Variants in HELQ observed in about 807,000 individuals in gnomAD.
HELQ encodes helicase, POLQ like, also known as helicase POLQ-like.
A neutral mutation model predicts 111.6 loss-of-function variants in HELQ; 77 were observed. The observed-to-expected ratio is 0.69, with a 90% confidence interval of 0.57 to 0.83. The LOEUF (loss-of-function observed/expected upper bound fraction) is 0.83. Among genes scored for constraint, HELQ ranks in the 40% least tolerant of loss-of-function variants. The pLI is 0.00. For missense variants in HELQ, 1,200 were observed against 1,288.5 expected (o/e 0.93, Z 1.05); for synonymous variants, 438 against 454.7 (o/e 0.96, Z 0.47).
rs542077398 is a variant in HELQ, at chr4:83,453,491, G to C, written c.752C>G (p.Ser251Cys). 6.2e-7 allele frequency: 1 copy of C among 1,613,394 alleles called. No individual in the cohort carries two copies. The highest frequency in any genetic ancestry group is 1.7e-5 in the Admixed American group (1 of 59,870). The change falls in exon 2 of 18, where the codon TCC (serine) becomes TGC (cysteine). Residue 251 changes from serine to cysteine, a missense_variant. Physicochemically the swap from Ser to Cys is moderately radical, Grantham distance 112. Around this residue, in one of 3 missense-constraint regions of HELQ, gnomAD observed 610 missense variants for 607.1 expected, o/e 1.00. Coordinates refer to ENST00000295488, the MANE Select transcript of HELQ (RefSeq NM_133636.5). ...CATATCTGAACTAGTTCTGACTTTG[G>C]AAGAGGACTCATCATTTTGCTGGGG... is the stretch of plus-strand genomic sequence containing the variant. ...EQPQQNDESS[S>C]KVRTSSDMNR...
intron 15 of HELQ, among the ~76,000 whole-genome samples, chr4:83,420,575 C>T (rs990935481): frequency 2.0e-5 from 3 of 151,960 alleles, no homozygotes; most frequent in African/African-American, 7.2e-5. Flanking sequence ...ACTTGAGGTC[C>T]GGAGTTCGAG....
chr4:83,451,117 T>G (rs1441786845), intron 2 of HELQ, among the ~76,000 whole-genome samples: 1 of 152,166 alleles, frequency 6.6e-6, no homozygotes, highest in Non-Finnish European at 1.5e-5. Flanking sequence ...TAAGCCAGAT[T>G]TAGAGGTAAA....
intron 17 of HELQ, among the ~76,000 whole-genome samples, chr4:83,409,834 T>A (rs1738992514): frequency 6.6e-6 from 1 of 151,924 alleles, no homozygotes; most frequent in African/African-American, 2.4e-5. Context: ...CAAAATCATA[T>A]TAGAAATAAA....
At chr4:83,415,431 C>T (rs1739307790) in intron 17 of HELQ, among the ~76,000 whole-genome samples, 1 of 152,104 alleles carries the variant, frequency 6.6e-6, no homozygotes. Context: ...CTCAGTATAT[C>T]AGGATAATTT....
chr4:83,439,811 T>C, intron 8 of HELQ, 52 bp downstream of exon 8: 2 of 1,168,064 alleles, frequency 1.7e-6, no homozygotes, highest in South Asian at 2.7e-5. Flanking sequence ...TAATACATAG[T>C]CTGTAATTCC....
chr4:83,420,996 T>C (rs116373550), intron 15 of HELQ, among the ~76,000 whole-genome samples: 1,672 of 152,236 alleles, frequency 0.011, 25 homozygotes, highest in African/African-American at 0.038. Flanking sequence ...TTTGTAGAGA[T>C]GGAGTTTTCC....
Position 83,453,878 on chromosome 4 carries a change from T to C in HELQ, c.365A>G (p.Gln122Arg). The C allele has an allele frequency of 1.2e-6, 2 of 1,614,042 alleles. No homozygotes were observed. ...ATATTTTTGTTCCAGGTCGTCAACTTGAGCTATAAAGGAGTTTTCAGTAAA... is the reference window on the plus strand; with the variant it reads ...ATATTTTTGTTCCAGGTCGTCAACTCGAGCTATAAAGGAGTTTTCAGTAAA... ...DSFTENSFIA[Q>R]VDDLEQKYMQ... The change falls in exon 2 of 18, where the codon CAA becomes CGA. Residue 122 changes from glutamine to arginine, a missense_variant. Gln to Arg is a conservative substitution (Grantham distance 43). This residue lies in a region of HELQ where 610 missense variants were observed against 607.1 expected (regional missense o/e 1.00). Coordinates refer to ENST00000295488, the MANE Select transcript of HELQ (RefSeq NM_133636.5).
rs899365477 is a variant in HELQ at position 83,426,075 on chromosome 4, T to G, written c.2694A>C (p.Pro898=). Reference sequence around the variant, plus strand: ...GAATGGCAGCTACATTTTGTTCTGCTGGACTGAGTTGGCTAAACTACATGG... The same window carrying G: ...GAATGGCAGCTACATTTTGTTCTGCGGGACTGAGTTGGCTAAACTACATGG... ...IYFRQFSQLS[P]AEQNVAAILG... Residue 898 remains proline (P), a synonymous_variant, in exon 14 of 18, where the codon CCA becomes CCC. Coordinates refer to ENST00000295488, the MANE Select transcript of HELQ (RefSeq NM_133636.5). 3.1e-6 allele frequency: 5 copies of G among 1,600,764 alleles called. No homozygotes were observed. The African/African-American group carries it at 6.7e-5, about 21-fold the overall frequency.
rs1479393186 is a variant in HELQ at position 83,453,929 on chromosome 4, A to C, written c.314T>G (p.Val105Gly). 6.2e-7 allele frequency: 1 copy of C among 1,607,032 alleles called. No homozygotes were observed. The highest frequency in any genetic ancestry group is 1.7e-5 in the Admixed American group (1 of 59,580). ...GVGDQPNDSE[V>G]DMFGDYDSFT... Reference sequence around the variant, plus strand: ...GCTATCATAGTCACCAAACATGTCCACTTCACTGTCATTAGGCTGCAAAGA... The same window carrying C: ...GCTATCATAGTCACCAAACATGTCCCCTTCACTGTCATTAGGCTGCAAAGA... Residue 105 changes from valine (V) to glycine (G), a missense_variant, in exon 2 of 18, where the codon GTG becomes GGG. Coordinates refer to ENST00000295488, the MANE Select transcript of HELQ (RefSeq NM_133636.5).
chr4:83,442,341 T>C (rs1426886709), intron 6 of HELQ, among the ~76,000 whole-genome samples: 1 of 144,468 alleles, frequency 6.9e-6, no homozygotes, highest in Non-Finnish European at 1.5e-5. Flanking sequence ...AAACACAGCT[T>C]ACTGTATCCT....
chr4:83,455,466 G>A lies in HELQ; in HGVS notation c.228C>T (p.Val76=), dbSNP rs772270615. ...LLLSDSPECL[V]LGGGDTNPDL... is the part of the protein sequence containing the mutation. ...CCGGGTTTGTATCACCACCTCCAAGGACGAGACATTCCGGGGAATCTGAGA... is the reference window on the plus strand; with the variant it reads ...CCGGGTTTGTATCACCACCTCCAAGAACGAGACATTCCGGGGAATCTGAGA... Residue 76 remains valine, a synonymous_variant, in exon 1 of 18, where the codon GTC becomes GTT. Transcript: ENST00000295488. 7 of 1,614,032 alleles carry A rather than the reference G, an allele frequency of 4.3e-6. No individual in the cohort carries two copies. Among genetic ancestry groups the A allele is most frequent in the East Asian group, 2.2e-5 (1 of 44,898 alleles).
In HELQ at chr4:83,446,004, A is replaced by G. The variant is rs1560556015; in HGVS notation, c.1465+10T>C. The G allele has an allele frequency of 6.4e-7, 1 of 1,567,100 alleles. No individual in the cohort carries two copies. Among genetic ancestry groups the G allele is most frequent in the Non-Finnish European group, 8.8e-7 (1 of 1,138,266 alleles). ...AATCAATTCATGACCTCATTTGAAA[A>G]AATACTTACTGCTAGTGTAGAGGAT... On this transcript the variant is annotated intron_variant, in intron 5 of 17. Transcript: ENST00000295488.
chr4:83,431,538 GAAA>G lies in HELQ; in HGVS notation c.2295+123_2295+125del, dbSNP rs1221854297. ...AAAATTAAAAAGAAAAAAATTAAAA[GAAA>G]AAATTATTAAATAAAAAATTAGTAT... On this transcript the variant is annotated intron_variant, in intron 11 of 17. Transcript: ENST00000295488. 4 of 359,154 alleles carry G rather than the reference GAAA, an allele frequency of 1.1e-5. No homozygotes were observed. The Admixed American group carries it at 1.9e-4, about 17-fold the overall frequency. 22.2% of individuals were successfully genotyped at this position (359,154 alleles called of 1,614,324 possible). A position where few individuals can be genotyped will look rare whatever the true frequency, so the allele number is the denominator to read the frequency against.
chr4:83,455,709 C>T lies in HELQ; in HGVS notation c.-16G>A, dbSNP rs771427337. ...ATTCATCCATGGCAAGGACCCAGGG[C>T]CCTATTCAGACGTCGTTCTCAGTGA... On this transcript the variant is annotated 5_prime_UTR_variant, in exon 1 of 18. Transcript: ENST00000295488. 27 of 1,594,540 alleles carry T rather than the reference C, an allele frequency of 1.7e-5. No homozygotes were observed. In the Admixed American group the frequency reaches 4.2e-4, roughly 25 times the overall value.
At chr4:83,445,911 T>C in intron 5 of HELQ, 103 bp downstream of exon 5, 1 of 716,936 alleles carries the variant, frequency 1.4e-6, no homozygotes, top group Non-Finnish European at 2.4e-6. Flanking sequence ...AAAGCTTAAG[T>C]ATCTTGCTTT....
chr4:83,436,928 A>G lies in HELQ; in HGVS notation c.1978T>C (p.Ser660Pro), dbSNP rs1298188210. Residue 660 changes from serine to proline, a missense_variant, in exon 9 of 18, where the codon TCC becomes CCC. Transcript: ENST00000295488. Reference protein sequence around the residue: ...DERKLLEEAYSTGVLCLFTCT... With the variant: ...DERKLLEEAYPTGVLCLFTCT... Reference sequence around the variant, plus strand: ...GTAAAAAGACAGAGCACTCCTGTGGAGTAGGCCTCCTCCAAGAGTTTCCTT... The same window carrying G: ...GTAAAAAGACAGAGCACTCCTGTGGGGTAGGCCTCCTCCAAGAGTTTCCTT... The G allele has an allele frequency of 1.2e-6, 2 of 1,614,092 alleles. No homozygotes were observed. Among genetic ancestry groups the G allele is most frequent in the African/African-American group, 2.7e-5 (2 of 74,942 alleles).
intron 17 of HELQ, among the ~76,000 whole-genome samples, chr4:83,411,291 T>C (rs989222880): frequency 2.6e-5 from 4 of 151,294 alleles, no homozygotes; most frequent in Admixed American, 6.6e-5. Flanking sequence ...ATCAAGTGCC[T>C]TTGAACTTTT....
At position 83,429,630 on chromosome 4, in the gene HELQ, T is replaced by C. The variant is rs1460904198; in HGVS notation, c.2412A>G (p.Arg804=). ...GTAGGAGTCCTTTTTCTGTCAGGTA[T>C]CTAAGTGATTCAACAGTTATTTCCC... ...SLWEITVESL[R]YLTEKGLLQK... Residue 804 remains arginine (R), a synonymous_variant, in exon 12 of 18, where the codon AGA becomes AGG. Transcript: ENST00000295488. The C allele has an allele frequency of 5.0e-6, 8 of 1,612,592 alleles. No homozygotes were observed. Among genetic ancestry groups the C allele is most frequent in the Non-Finnish European group, 6.8e-6 (8 of 1,178,772 alleles).
Position 83,412,798 on chromosome 4 carries a change from T to A in HELQ, c.3198+3933A>T, listed in dbSNP as rs373927316. Among the ~76,000 whole-genome samples, 18 of 152,344 alleles carry A rather than the reference T, an allele frequency of 1.2e-4. No individual in the cohort carries two copies. The East Asian group carries it at 2.9e-3, about 24-fold the overall frequency. On this transcript the variant is annotated intron_variant, in intron 17 of 17. Transcript: ENST00000295488. ...ATGATTGTGCCATTGCACTCCAGCC[T>A]GGGCAACAGAGCAAGACCCTGTCTC...
Sources: allele counts gnomAD v4.1 joint callset (sites outside exome capture counted in the v4.1 genomes callset), GRCh38; gene constraint gnomAD v4.1.1; regional missense constraint gnomAD v4.1.1; transcripts MANE v1.5; gene names NCBI Gene and HGNC (gene_info 2026-07-23, HGNC 2026-07-21).